Variants in PGCKA1 observed in about 807,000 individuals in gnomAD.
PGCKA1 encodes PDCD10 and GCKIII kinases associated 1.
At chr4:37,572,069 T>TTTTTTTTTTTTTTTTTTTTTTTG in the PGCKA1 span, among the ~76,000 whole-genome samples, 1 of 111,716 alleles carries the variant, frequency 9.0e-6, no homozygotes, top group Non-Finnish European at 1.9e-5. Context: ...TTTTCTTTTT[T>TTTTTTTTTTTTTTTTTTTTTTTG]TTTTTTTTTT....
chr4:37,573,859 C>A, the PGCKA1 span, among the ~76,000 whole-genome samples: 1 of 152,166 alleles, frequency 6.6e-6, no homozygotes, highest in Non-Finnish European at 1.5e-5. Context: ...TAGCAGATTT[C>A]CCTACATCCT....
chr4:37,550,328 G>T, the PGCKA1 span, among the ~76,000 whole-genome samples: 5 of 151,826 alleles, frequency 3.3e-5, no homozygotes, highest in Non-Finnish European at 5.9e-5. Flanking sequence ...AAGGAATAGG[G>T]TGCAGTTCTC....
chr4:37,497,335 T>C, the PGCKA1 span, among the ~76,000 whole-genome samples: 1 of 152,240 alleles, frequency 6.6e-6, no homozygotes. Flanking sequence ...CACTCGTTGA[T>C]TGATGGGCAT....
At chr4:37,519,714 A>T in the PGCKA1 span, among the ~76,000 whole-genome samples, 3 of 152,208 alleles carry the variant, frequency 2.0e-5, no homozygotes, top group Admixed American at 2.0e-4. Context: ...GCAAACAAGG[A>T]TAATTTGACT....
the PGCKA1 span, chr4:37,591,817 T>C: frequency 6.6e-6 from 1 of 152,208 alleles, no homozygotes; most frequent in African/African-American, 2.4e-5. Flanking sequence ...CCAATTAAAA[T>C]ATAACAACGT....
At chr4:37,568,102 C>G in the PGCKA1 span, among the ~76,000 whole-genome samples, 1 of 152,194 alleles carries the variant, frequency 6.6e-6, no homozygotes, top group Admixed American at 6.5e-5. Context: ...TGGCCTGTTC[C>G]TCAGCATTCC....
At chr4:37,500,840 T>C in the PGCKA1 span, among the ~76,000 whole-genome samples, 1 of 152,268 alleles carries the variant, frequency 6.6e-6, no homozygotes, top group Admixed American at 6.5e-5. Context: ...TAGTTTCTTG[T>C]TGAATTGAAC....
chr4:37,530,714 C>T, the PGCKA1 span, among the ~76,000 whole-genome samples: 4 of 152,018 alleles, frequency 2.6e-5, no homozygotes, highest in African/African-American at 7.3e-5. Context: ...CGGTGGCTCA[C>T]GCCTGTAAGC....
the PGCKA1 span, among the ~76,000 whole-genome samples, chr4:37,554,033 C>T: frequency 6.6e-6 from 1 of 152,088 alleles, no homozygotes; most frequent in Non-Finnish European, 1.5e-5. Context: ...TACCATAATC[C>T]CCACGTGTTG....
the PGCKA1 span, among the ~76,000 whole-genome samples, chr4:37,568,810 T>C: frequency 6.6e-6 from 1 of 152,336 alleles, no homozygotes; most frequent in South Asian, 2.1e-4. Flanking sequence ...TCCCACTTTA[T>C]CGTTTAGATT....
At chr4:37,551,149 G>A in the PGCKA1 span, among the ~76,000 whole-genome samples, 1 of 152,042 alleles carries the variant, frequency 6.6e-6, no homozygotes. Flanking sequence ...GGTTATACTG[G>A]ATATGTGGAC....
At chr4:37,561,846 A>T in the PGCKA1 span, among the ~76,000 whole-genome samples, 1 of 152,194 alleles carries the variant, frequency 6.6e-6, no homozygotes, top group African/African-American at 2.4e-5. Context: ...AAAGCACTTT[A>T]TTTGCATATG....
the PGCKA1 span, among the ~76,000 whole-genome samples, chr4:37,537,699 T>C: frequency 1.3e-5 from 2 of 152,180 alleles, no homozygotes; most frequent in Non-Finnish European, 2.9e-5. Context: ...TGTCTCACAT[T>C]CCCTGCCTAG....
the PGCKA1 span, chr4:37,588,706 C>T: frequency 1.6e-6 from 1 of 609,576 alleles, no homozygotes; most frequent in African/African-American, 1.8e-5. Context: ...CCCTCTCTGA[C>T]CCACGTGGTA....
At chr4:37,496,329 A>G in the PGCKA1 span, among the ~76,000 whole-genome samples, 1 of 152,228 alleles carries the variant, frequency 6.6e-6, no homozygotes, top group South Asian at 2.1e-4. Flanking sequence ...ATGGCAAGCC[A>G]GTTTTCCCAT....
At chr4:37,564,500 C>G in the PGCKA1 span, among the ~76,000 whole-genome samples, 1 of 112,180 alleles carries the variant, frequency 8.9e-6, no homozygotes, top group South Asian at 3.3e-4. Flanking sequence ...GGGTGTCTGA[C>G]TTTTTTATTT....
the PGCKA1 span, among the ~76,000 whole-genome samples, chr4:37,468,128 A>C: frequency 6.6e-6 from 1 of 152,212 alleles, no homozygotes; most frequent in African/African-American, 2.4e-5. Context: ...TGGCCGTTCA[A>C]CTTTAATCTG....
At chr4:37,481,232 C>A in the PGCKA1 span, among the ~76,000 whole-genome samples, 1 of 151,924 alleles carries the variant, frequency 6.6e-6, no homozygotes, top group Non-Finnish European at 1.5e-5. Flanking sequence ...CGGCTAGGGC[C>A]GGGTGGATCA....
the PGCKA1 span, among the ~76,000 whole-genome samples, chr4:37,519,280 A>AT: frequency 0.084 from 12,449 of 147,730 alleles, 646 homozygotes; most frequent in Middle Eastern, 0.14. Context: ...AATTTTTAGG[A>AT]TTTTTTTTTT....
Sources: allele counts gnomAD v4.1 joint callset (sites outside exome capture counted in the v4.1 genomes callset), GRCh38; gene constraint gnomAD v4.1.1; transcripts MANE v1.5; gene names NCBI Gene and HGNC (gene_info 2026-07-23, HGNC 2026-07-21).